Variants in GPI observed in about 807,000 individuals in gnomAD.
GPI encodes glucose-6-phosphate isomerase.
A neutral mutation model predicts 75.8 loss-of-function variants in GPI; 56 were observed. The ratio of observed to expected loss-of-function variants is 0.74; its 90% confidence interval spans 0.60 to 0.92. The LOEUF (loss-of-function observed/expected upper bound fraction) is 0.92. Ranked by LOEUF, GPI falls within the 40% of genes least tolerant of loss-of-function variation. GPI has a pLI of 0.00. For synonymous variants in GPI, 288 were observed against 285.4 expected, an observed-to-expected ratio of 1.01 and a Z score of -0.09; for missense variants, 638 against 741.0, an observed-to-expected ratio of 0.86 and a Z score of 1.61.
At chr19:34,368,529 A>G in intron 3 of GPI, 54 bp from the exon 4 acceptor site, 1 of 1,609,788 alleles carries the variant, frequency 6.2e-7, no homozygotes, top group Non-Finnish European at 8.5e-7. Flanking sequence ...AGCTGGGAGC[A>G]TGGCTGCCTG....
rs1226652378 is a variant in GPI, at chr19:34,401,524, CG to C, written c.*1491del. Reference sequence around the variant, plus strand: ...GCGTGAGCCACCGCGCCCAGCAAGGCGGGTCTTGCTGTGTTTCCCAGACTAG... The same window carrying C: ...GCGTGAGCCACCGCGCCCAGCAAGGCGGTCTTGCTGTGTTTCCCAGACTAG... On this transcript the variant is annotated 3_prime_UTR_variant, in exon 18 of 18. Coordinates refer to ENST00000356487, the MANE Select transcript of GPI (RefSeq NM_000175.5). The C allele has an allele frequency of 1.3e-5, 2 of 151,924 alleles. No homozygotes were observed. Among genetic ancestry groups the C allele is most frequent in the Non-Finnish European group, 2.9e-5 (2 of 68,078 alleles). The allele number at this position is 151,924 out of a possible 1,614,324, so 9.4% of individuals were successfully genotyped here. A position where few individuals can be genotyped will look rare whatever the true frequency, so the allele number is the denominator to read the frequency against.
At position 34,393,855 on chromosome 19, in the gene GPI, C is replaced by G; in HGVS notation, c.910-59C>G. 1.2e-6 allele frequency: 2 copies of G among 1,606,484 alleles called. No individual in the cohort carries two copies. Among genetic ancestry groups the G allele is most frequent in the Non-Finnish European group, 1.7e-6 (2 of 1,174,088 alleles). Reference sequence around the variant, plus strand: ...GGTCCCCCGCTTTCTCCCCCACTGTCCTGTCCCTCCCCTCCCCGTGCAGCT... The same window carrying G: ...GGTCCCCCGCTTTCTCCCCCACTGTGCTGTCCCTCCCCTCCCCGTGCAGCT... On this transcript the variant is annotated intron_variant, in intron 11 of 17. Transcript: ENST00000356487. This position sits in a 1 kb window ranked among gnomAD's most constrained non-coding sequence, Gnocchi z 4.4.
chr19:34,384,368 T>G (rs995463791), intron 9 of GPI, among the ~76,000 whole-genome samples: 1 of 152,182 alleles, frequency 6.6e-6, no homozygotes, highest in African/African-American at 2.4e-5. Context: ...TATGTATTTT[T>G]GGGTCTCACA....
At chr19:34,374,811 C>T (rs2074509450) in intron 4 of GPI, among the ~76,000 whole-genome samples, 2 of 150,744 alleles carry the variant, frequency 1.3e-5, no homozygotes, top group African/African-American at 4.9e-5. Context: ...CTCACTGCAG[C>T]CTCGAACTCC....
Position 34,394,085 on chromosome 19 carries a change from G to A in GPI, c.1062+19G>A. On this transcript the variant is annotated intron_variant, in intron 12 of 17. Coordinates refer to ENST00000356487, the MANE Select transcript of GPI (RefSeq NM_000175.5). The stretch of plus-strand genomic sequence containing the variant: ...CCAGCAGGTACCAGCTGCCAAGCCA[G>A]GCCTTGGAGTCAGCAAGATTTGTGG... 4 of 1,602,554 alleles carry A rather than the reference G, an allele frequency of 2.5e-6. No individual in the cohort carries two copies. The highest frequency in any genetic ancestry group is 3.4e-6 in the Non-Finnish European group (4 of 1,174,078).
chr19:34,377,437 T>C, intron 4 of GPI, 66 bp from the exon 5 acceptor site: 1 of 1,144,006 alleles, frequency 8.7e-7, no homozygotes, highest in Non-Finnish European at 1.3e-6. Context: ...ACGGCAGTAA[T>C]GATGTTTTTG....
Position 34,368,692 on chromosome 19 carries a change from C to A in GPI, c.392C>A (p.Ser131Tyr), listed in dbSNP as rs2074404676. Reference sequence around the variant, plus strand: ...AACAAGGTTCTGGACAAGATGAAGTCTTTCTGCCAGGTAAGTGGCTACTGG... The same window carrying A: ...AACAAGGTTCTGGACAAGATGAAGTATTTCTGCCAGGTAAGTGGCTACTGG... ...EVNKVLDKMKSFCQRVRSGDW... is the reference protein window; with the variant it reads ...EVNKVLDKMKYFCQRVRSGDW... The change falls in exon 4 of 18, where the codon TCT (serine) becomes TAT (tyrosine). Residue 131 changes from serine (S) to tyrosine (Y), a missense_variant. Physicochemically the swap from Ser to Tyr is moderately radical, Grantham distance 144 (BLOSUM62 -2). Transcript: ENST00000356487. 2 of 1,614,214 alleles carry A rather than the reference C, an allele frequency of 1.2e-6. No homozygotes were observed. The highest frequency in any genetic ancestry group is 1.7e-6 in the Non-Finnish European group (2 of 1,180,044).
intron 4 of GPI, among the ~76,000 whole-genome samples, chr19:34,373,264 C>T (rs1401335315): frequency 1.3e-5 from 2 of 151,804 alleles, no homozygotes; most frequent in Admixed American, 6.6e-5. Flanking sequence ...TGGCAGGCGC[C>T]CATAATTCCA....
intron 12 of GPI, among the ~76,000 whole-genome samples, chr19:34,395,941 T>C (rs1490801800): frequency 4.0e-5 from 6 of 150,706 alleles, no homozygotes; most frequent in Admixed American, 2.6e-4. Context: ...TTTTTTTTTT[T>C]TTTTCTTTTT....
intron 9 of GPI, among the ~76,000 whole-genome samples, chr19:34,385,232 C>T (rs1289391644): frequency 6.6e-6 from 1 of 151,908 alleles, no homozygotes; most frequent in Non-Finnish European, 1.5e-5. Context: ...GCCTGTAATC[C>T]CAGCTACTCA....
chr19:34,377,328 AAAAAAAAAATATATATAT>A (rs1971204614), intron 4 of GPI, among the ~76,000 whole-genome samples, 157 bp from the exon 5 acceptor site: 5 of 86,960 alleles, frequency 5.7e-5, no homozygotes, highest in Admixed American at 4.8e-4. Context: ...AAAAAAAAAA[AAAAAAAAAATATATATAT>A]ATATATATAT....
Position 34,378,945 on chromosome 19 carries a change from C to A in GPI, c.645C>A (p.Thr215=). The change falls in exon 7 of 18, where the codon ACC becomes ACA. Residue 215 remains threonine (T), a synonymous_variant. Transcript: ENST00000356487. ...LFIIASKTFT[T]QETITNAETA... ...CTCTTTGGTTGCAGACCTTTACTAC[C>A]CAGGAGACCATCACGAATGCAGAGA... 1 of 1,614,124 alleles carries A rather than the reference C, an allele frequency of 6.2e-7. No homozygotes were observed. Among genetic ancestry groups the A allele is most frequent in the Non-Finnish European group, 8.5e-7 (1 of 1,179,956 alleles).
At position 34,400,639 on chromosome 19, in the gene GPI, C is replaced by G. The variant is rs924235381; in HGVS notation, c.*603C>G. On this transcript the variant is annotated 3_prime_UTR_variant, in exon 18 of 18. Coordinates refer to ENST00000356487, the MANE Select transcript of GPI (RefSeq NM_000175.5). ...AACTGCATTGAGATTATGTTTGTTT[C>G]GGGTGAATTCCTGGACAAGACCGAG... The G allele has an allele frequency of 2.2e-5, 9 of 406,772 alleles. No homozygotes were observed. The highest frequency in any genetic ancestry group is 1.8e-4 in the African/African-American group (9 of 48,808). The allele number at this position is 406,772 out of a possible 1,614,324, so 25.2% of individuals were successfully genotyped here.
chr19:34,393,367 G>A lies in GPI; in HGVS notation c.865+59G>A, dbSNP rs752028677. On this transcript the variant is annotated intron_variant, in intron 10 of 17. Coordinates refer to ENST00000356487, the MANE Select transcript of GPI (RefSeq NM_000175.5). This position sits in a 1 kb window ranked among gnomAD's most constrained non-coding sequence, Gnocchi z 4.4. ...GGAGACAGTGTTGCAGTCTAAGGTC[G>A]GGGTAGGGGGCTTGTGTCCCTGAAC... 5.4e-5 allele frequency: 71 copies of A among 1,321,580 alleles called. No individual in the cohort carries two copies. The highest frequency in any genetic ancestry group is 7.1e-5 in the Non-Finnish European group (65 of 912,792). The allele number at this position is 1,321,580 out of a possible 1,614,324, so 81.9% of individuals were successfully genotyped here. A position where few individuals can be genotyped will look rare whatever the true frequency, so the allele number is the denominator to read the frequency against.
upstream of GPI, among the ~76,000 whole-genome samples, chr19:34,364,271 C>G (rs1419943124): frequency 6.6e-6 from 1 of 152,046 alleles, no homozygotes; most frequent in East Asian, 1.9e-4. Flanking sequence ...TCAAGCTATC[C>G]CACCTCCCAA....
rs2075032871 is a variant in GPI, at chr19:34,402,249, C to CT, written c.*2214dup. The CT allele has an allele frequency of 6.6e-6, 1 of 152,200 alleles. No individual in the cohort carries two copies. Among genetic ancestry groups the CT allele is most frequent in the Non-Finnish European group, 1.5e-5 (1 of 68,046 alleles). The allele number at this position is 152,200 out of a possible 1,614,324, so 9.4% of individuals were successfully genotyped here. On this transcript the variant is annotated 3_prime_UTR_variant, in exon 18 of 18. Coordinates refer to ENST00000356487, the MANE Select transcript of GPI (RefSeq NM_000175.5). ...GACAAAGGAGCATTCACTTCAGCCT[C>CT]TGACTGGTGGCAGGCCAAGTCTTTA...
chr19:34,381,323 G>A, intron 8 of GPI, 143 bp from the exon 9 acceptor site: 1 of 741,566 alleles, frequency 1.3e-6, no homozygotes, highest in South Asian at 1.4e-5. Flanking sequence ...CTCACAGGCT[G>A]CTCCAGCCCT....
At chr19:34,377,338 T>TAA (rs2074560090) in intron 4 of GPI, among the ~76,000 whole-genome samples, 165 bp from the exon 5 acceptor site, 1 of 53,908 alleles carries the variant, frequency 1.9e-5, no homozygotes, top group Non-Finnish European at 3.4e-5. Flanking sequence ...AAAAAAAAAA[T>TAA]ATATATATAT....
chr19:34,366,508 C>T (rs1039077693), intron 2 of GPI, 73 bp downstream of exon 2: 5 of 1,012,392 alleles, frequency 4.9e-6, no homozygotes, highest in Non-Finnish European at 7.9e-6. Context: ...TGGGAGTCCC[C>T]AGGACCTTGA....
Sources: allele counts gnomAD v4.1 joint callset (sites outside exome capture counted in the v4.1 genomes callset), GRCh38; gene constraint gnomAD v4.1.1; non-coding constraint Gnocchi (gnomAD v3.1); transcripts MANE v1.5; gene names NCBI Gene and HGNC (gene_info 2026-07-23, HGNC 2026-07-21).